Variants in DIAPH2 observed in about 807,000 individuals in gnomAD.
DIAPH2 encodes diaphanous related formin 2.
In DIAPH2, 35 loss-of-function variants were observed where a neutral mutation model predicts 92.7. That is an observed-to-expected ratio of 0.38 (90% CI 0.29 to 0.50). The LOEUF (loss-of-function observed/expected upper bound fraction) is 0.50. Among genes scored for constraint, DIAPH2 ranks in the 20% least tolerant of loss-of-function variants. DIAPH2 has a pLI of 0.94. For missense variants in DIAPH2, 701 were observed against 819.5 expected (o/e 0.86, Z 1.77); for synonymous variants, 301 against 280.4 (o/e 1.07, Z -0.73).
chrX:97,290,490 G>T (rs971465870), intron 23 of DIAPH2, among the ~76,000 whole-genome samples: 1 of 111,962 alleles, frequency 8.9e-6, no homozygotes, highest in Non-Finnish European at 1.9e-5. Context: ...AAAGTATGTA[G>T]CCAGTACAAT....
intron 17 of DIAPH2, among the ~76,000 whole-genome samples, chrX:97,059,722 A>G (rs992645929): frequency 2.7e-5 from 3 of 112,148 alleles, no homozygotes; most frequent in African/African-American, 9.7e-5. Flanking sequence ...TTTACTGTTC[A>G]TTAAGTGGAA....
intron 22 of DIAPH2, among the ~76,000 whole-genome samples, chrX:97,170,409 C>G (rs1055126992): frequency 8.9e-6 from 1 of 111,919 alleles, no homozygotes; most frequent in Non-Finnish European, 1.9e-5. Flanking sequence ...TCCTGCAAGC[C>G]ATCTGATAAA....
chrX:97,476,524 T>G (rs932953761), intron 26 of DIAPH2, among the ~76,000 whole-genome samples: 5 of 111,952 alleles, frequency 4.5e-5, no homozygotes, highest in Non-Finnish European at 9.4e-5. Flanking sequence ...CTTCTGGGTC[T>G]GAGGACTGAA....
intron 19 of DIAPH2, among the ~76,000 whole-genome samples, chrX:97,080,459 C>A (rs1277876632): frequency 9.2e-6 from 1 of 108,541 alleles, no homozygotes; most frequent in Non-Finnish European, 1.9e-5. Context: ...TGCTTCTATC[C>A]CCCACAATCC....
chrX:97,198,325 T>C (rs2067720542), intron 22 of DIAPH2, among the ~76,000 whole-genome samples: 1 of 108,481 alleles, frequency 9.2e-6, no homozygotes, highest in African/African-American at 3.4e-5. Context: ...TACATATATA[T>C]ATACACGCAT....
At chrX:96,707,256 C>T (rs2063891104) in intron 1 of DIAPH2, among the ~76,000 whole-genome samples, 1 of 109,409 alleles carries the variant, frequency 9.1e-6, no homozygotes, top group Admixed American at 9.7e-5. Context: ...GCAACCTCTG[C>T]CTCCGGGGCT....
At chrX:97,405,939 G>T (rs1056971371) in intron 25 of DIAPH2, among the ~76,000 whole-genome samples, 1 of 111,386 alleles carries the variant, frequency 9.0e-6, no homozygotes, top group African/African-American at 3.3e-5. Flanking sequence ...CAGATTGTTG[G>T]CATTGAAAGA....
intron 15 of DIAPH2, 60 bp downstream of exon 15, chrX:96,949,099 A>G: frequency 2.6e-6 from 2 of 769,836 alleles, no homozygotes; most frequent in Non-Finnish European, 1.9e-6. Flanking sequence ...GTAGAAAATT[A>G]TCTTGTTATA....
At chrX:97,166,432 C>T (rs1026068016) in intron 22 of DIAPH2, among the ~76,000 whole-genome samples, 3 of 111,421 alleles carry the variant, frequency 2.7e-5, no homozygotes, top group Middle Eastern at 4.6e-3. Flanking sequence ...CTGGGAGATG[C>T]GAATACCTAT....
intron 22 of DIAPH2, among the ~76,000 whole-genome samples, chrX:97,190,752 T>G (rs1243486862): frequency 9.4e-6 from 1 of 106,809 alleles, no homozygotes; most frequent in African/African-American, 3.5e-5. Context: ...GAGAATTTCT[T>G]GAACCCGGGA....
chrX:97,190,340 CAAAGGTTT>C (rs1183937501), intron 22 of DIAPH2, among the ~76,000 whole-genome samples: 1 of 112,708 alleles, frequency 8.9e-6, no homozygotes, highest in African/African-American at 3.2e-5. Context: ...GAAAAGTTTT[CAAAGGTTT>C]AAAGGTTTTT....
rs1206890053 is a variant in DIAPH2 at position 96,912,463 on chromosome X, T to C, written c.663-20T>C. ...GAAAATGTTTCAGCACAACATAATA[T>C]ACATTTTTCTTTTATTTAGGCAAGA... is the stretch of plus-strand genomic sequence containing the variant. On this transcript the variant is annotated intron_variant, in intron 6 of 26. Transcript: ENST00000324765. The C allele has an allele frequency of 5.8e-6, 7 of 1,199,754 alleles. No homozygotes were observed. The highest frequency in any genetic ancestry group is 1.8e-5 in the South Asian group (1 of 54,734).
At chrX:96,948,879 T>G (rs772077238) in intron 14 of DIAPH2, 56 bp from the exon 15 acceptor site, 56 of 782,208 alleles carry the variant, frequency 7.2e-5, no homozygotes, top group Admixed American at 1.9e-4. Context: ...CATAATGTTC[T>G]TTAAAGCGTT....
rs2066679797 is a variant in DIAPH2 at position 97,073,010 on chromosome X, G to A, written c.2120G>A (p.Arg707Lys). The change falls in exon 18 of 27, where the codon AGA (arginine) becomes AAA (lysine). Residue 707 changes from arginine to lysine, a missense_variant. Arg to Lys is a conservative substitution (Grantham distance 26, BLOSUM62 2). Transcript: ENST00000324765. ...ACAAAGAAGAAAGTGAAAGAACTGA[G>A]AATTTTGGATCCCAAAACAGCTCAG... ...GPTKKKVKEL[R>K]ILDPKTAQNL... is the part of the protein sequence containing the mutation. The A allele has an allele frequency of 1.7e-6, 2 of 1,200,518 alleles. No individual in the cohort carries two copies. The highest frequency in any genetic ancestry group is 2.2e-6 in the Non-Finnish European group (2 of 890,077).
intron 1 of DIAPH2, among the ~76,000 whole-genome samples, chrX:96,730,936 G>C (rs1468401245): frequency 9.0e-6 from 1 of 110,854 alleles, no homozygotes; most frequent in Non-Finnish European, 1.9e-5. Flanking sequence ...ATTTGGGTAG[G>C]TAAAGGAAAA....
rs753731689 is a variant in DIAPH2, at chrX:97,548,151, C to T, written c.3242-51102C>T. 1.2e-4 allele frequency among the ~76,000 whole-genome samples: 14 copies of T among 112,089 alleles called. No homozygotes were observed. The South Asian group carries it at 4.9e-3, about 39-fold the overall frequency. On this transcript the variant is annotated intron_variant, in intron 26 of 26. Transcript: ENST00000324765. ...AGAGAAAAGAGCAGACCTGAGGATA[C>T]CTTGTGCAATCCAAAGTCAAATTCC... is the stretch of plus-strand genomic sequence containing the variant.
At chrX:97,126,940 T>A (rs1395676148) in intron 21 of DIAPH2, among the ~76,000 whole-genome samples, 1 of 112,776 alleles carries the variant, frequency 8.9e-6, no homozygotes, top group Admixed American at 9.4e-5. Flanking sequence ...TTTTTGAATT[T>A]TAAATCTGAA....
chrX:96,698,540 G>A (rs976160754), intron 1 of DIAPH2, among the ~76,000 whole-genome samples: 1 of 110,746 alleles, frequency 9.0e-6, no homozygotes, highest in Admixed American at 9.7e-5. Context: ...CGGGCGTTAA[G>A]TGCCAGACAA....
At chrX:97,053,689 G>T (rs1283678931) in intron 17 of DIAPH2, among the ~76,000 whole-genome samples, 2 of 111,587 alleles carry the variant, frequency 1.8e-5, no homozygotes, top group East Asian at 5.6e-4. Flanking sequence ...CAAGTTTCCA[G>T]TCCCTCTTTC....
Sources: allele counts gnomAD v4.1 joint callset (sites outside exome capture counted in the v4.1 genomes callset), GRCh38; gene constraint gnomAD v4.1.1; transcripts MANE v1.5; gene names NCBI Gene and HGNC (gene_info 2026-07-23, HGNC 2026-07-21).